Variants in PIK3C2G observed in about 807,000 individuals in gnomAD.
PIK3C2G encodes the protein phosphatidylinositol-4-phosphate 3-kinase catalytic subunit type 2 gamma, also known as phosphatidylinositol 3-kinase C2 domain-containing subunit gamma.
Under a neutral mutation model 181.1 loss-of-function variants are expected in PIK3C2G, and 168 were observed. The ratio of observed to expected loss-of-function variants is 0.93; its 90% CI spans 0.82 to 1.05. The LOEUF is 1.05. Among genes scored for constraint, PIK3C2G ranks in the 50% least tolerant of loss-of-function variants. The probability of loss-of-function intolerance (pLI) is 0.00; values close to 1 mark genes in which losing one functional copy is unlikely to be tolerated. For synonymous variants in PIK3C2G, 573 were observed against 592.2 expected, an observed-to-expected ratio of 0.97 and a Z score of 0.47; for missense variants, 1,869 against 1,732.8, an observed-to-expected ratio of 1.08 and a Z score of -1.40.
intron 13 of PIK3C2G, among the ~76,000 whole-genome samples, chr12:18,377,843 G>A (rs1942561025): frequency 6.6e-6 from 1 of 152,000 alleles, no homozygotes; most frequent in Admixed American, 6.6e-5. Context: ...TATATATATG[G>A]CTTTAAGTTA....
chr12:18,661,375 A>AG, the PIK3C2G span, among the ~76,000 whole-genome samples: 134 of 107,000 alleles, frequency 1.3e-3, no homozygotes, highest in African/African-American at 3.6e-3. Context: ...AAATAAAAAA[A>AG]AAGAGAGAGA....
At chr12:18,629,061 G>T (rs1255917748) in intron 31 of PIK3C2G, among the ~76,000 whole-genome samples, 1 of 152,196 alleles carries the variant, frequency 6.6e-6, no homozygotes, top group African/African-American at 2.4e-5. Flanking sequence ...TAGCAAACTT[G>T]AGTGAAATGT....
At position 18,505,305 on chromosome 12, in the gene PIK3C2G, T is replaced by C. The variant is rs1011408157; in HGVS notation, c.3167T>C (p.Phe1056Ser). 3.1e-5 allele frequency: 49 copies of C among 1,597,746 alleles called. No homozygotes were observed. The highest frequency in any genetic ancestry group is 4.1e-5 in the Non-Finnish European group (48 of 1,171,686). Residue 1056 changes from phenylalanine (F) to serine (S), a missense_variant, in exon 24 of 33, where the codon TTT (phenylalanine) becomes TCT (serine). Phe to Ser is a radical substitution (Grantham distance 155, BLOSUM62 -2). Transcript: ENST00000538779. ...KADYEKALRN[F>S]FYSCAGWCVV... ...TCAATGAATTAGGCCTTGAGGAACT[T>C]TTTCTACTCCTGTGCTGGCTGGTGT... is the stretch of plus-strand genomic sequence containing the variant.
chr12:18,564,325 C>T (rs1431435261), intron 28 of PIK3C2G, among the ~76,000 whole-genome samples: 1 of 151,328 alleles, frequency 6.6e-6, no homozygotes, highest in Non-Finnish European at 1.5e-5. Context: ...CATGATATTG[C>T]ATTTAGGTTA....
the PIK3C2G span, chr12:18,700,027 C>T: frequency 1.7e-6 from 2 of 1,143,818 alleles, no homozygotes; most frequent in African/African-American, 1.6e-5. Context: ...AAAGAAAATA[C>T]ACTTTCAAAC....
At chr12:18,337,835 T>C (rs1938685017) in intron 8 of PIK3C2G, among the ~76,000 whole-genome samples, 1 of 152,138 alleles carries the variant, frequency 6.6e-6, no homozygotes. Flanking sequence ...ATTATATTTG[T>C]CATCAGCGAT....
chr12:18,317,404 G>A (rs1950916000), intron 6 of PIK3C2G, among the ~76,000 whole-genome samples: 1 of 152,036 alleles, frequency 6.6e-6, no homozygotes, highest in African/African-American at 2.4e-5. Context: ...TTACTTCCAG[G>A]AACTGGGATA....
At chr12:18,458,740 G>C (rs2135926329) in intron 18 of PIK3C2G, among the ~76,000 whole-genome samples, 1 of 151,698 alleles carries the variant, frequency 6.6e-6, no homozygotes, top group East Asian at 2.0e-4. Flanking sequence ...AGTGCAAGCA[G>C]AATTTAATGC....
At chr12:18,538,395 G>A (rs995997914) in intron 25 of PIK3C2G, 83 bp downstream of exon 25, 4 of 1,196,462 alleles carry the variant, frequency 3.3e-6, no homozygotes, top group African/African-American at 3.1e-5. Flanking sequence ...CTAATGGCTT[G>A]GAGTTCCCCA....
chr12:18,697,843 A>G, the PIK3C2G span, among the ~76,000 whole-genome samples: 4 of 151,750 alleles, frequency 2.6e-5, no homozygotes, highest in Non-Finnish European at 5.9e-5. Flanking sequence ...AATAATTGGC[A>G]TCCTTGAAGT....
At chr12:18,530,962 A>C (rs767605523) in intron 24 of PIK3C2G, among the ~76,000 whole-genome samples, 2 of 152,166 alleles carry the variant, frequency 1.3e-5, no homozygotes, top group Admixed American at 6.6e-5. Context: ...GGAATAATAC[A>C]CCTTTGGGAT....
intron 18 of PIK3C2G, among the ~76,000 whole-genome samples, chr12:18,438,893 A>G (rs1946588607): frequency 6.6e-6 from 1 of 151,728 alleles, no homozygotes; most frequent in African/African-American, 2.4e-5. Context: ...AAACATATAT[A>G]TTGCATAATA....
At chr12:18,248,562 C>A (rs1948065405) in intron 1 of PIK3C2G, among the ~76,000 whole-genome samples, 2 of 151,246 alleles carry the variant, frequency 1.3e-5, no homozygotes, top group South Asian at 4.2e-4. Context: ...CAGAGCGAGA[C>A]TCCATCTCAA....
chr12:18,721,854 C>A, the PIK3C2G span, among the ~76,000 whole-genome samples: 1 of 151,978 alleles, frequency 6.6e-6, no homozygotes, highest in Non-Finnish European at 1.5e-5. Flanking sequence ...CACTAAGACT[C>A]AACTCAATGA....
intron 12 of PIK3C2G, among the ~76,000 whole-genome samples, chr12:18,369,407 T>A (rs951110506): frequency 6.6e-6 from 1 of 152,186 alleles, no homozygotes; most frequent in Non-Finnish European, 1.5e-5. Flanking sequence ...TGAGGCATTA[T>A]CATATAATGA....
the PIK3C2G span, among the ~76,000 whole-genome samples, chr12:18,698,804 T>C: frequency 6.6e-6 from 1 of 152,212 alleles, no homozygotes; most frequent in African/African-American, 2.4e-5. Flanking sequence ...CTTTTAGTTA[T>C]TTTTAAATGT....
At chr12:18,556,610 C>A (rs1460659188) in intron 26 of PIK3C2G, among the ~76,000 whole-genome samples, 2 of 152,026 alleles carry the variant, frequency 1.3e-5, no homozygotes, top group Non-Finnish European at 2.9e-5. Context: ...TTCACTCCAG[C>A]AAATAAAATG....
At chr12:18,279,079 T>A (rs1040126010) in intron 1 of PIK3C2G, among the ~76,000 whole-genome samples, 3 of 152,108 alleles carry the variant, frequency 2.0e-5, no homozygotes, top group Non-Finnish European at 2.9e-5. Context: ...GTGGAGATAG[T>A]TCATTTGAGC....
At chr12:18,544,169 A>C (rs1944306586) in intron 25 of PIK3C2G, among the ~76,000 whole-genome samples, 1 of 151,866 alleles carries the variant, frequency 6.6e-6, no homozygotes, top group Non-Finnish European at 1.5e-5. Context: ...GTGGAGGTTT[A>C]ATGAGCATGG....
Sources: gnomAD v4.1 joint callset for allele counts (sites outside exome capture counted in the v4.1 genomes callset) on GRCh38, gnomAD v4.1.1 for gene constraint, MANE v1.5 for transcripts, NCBI Gene and HGNC (gene_info 2026-07-23, HGNC 2026-07-21) for gene names.